The following ADSS2 variants were observed in gnomAD, a reference collection of about 807,000 sequenced individuals.
ADSS2 encodes adenylosuccinate synthase 2, also known as adenylosuccinate synthetase isozyme 2.
ADSS2 carries 30 observed loss-of-function variants against 60.0 expected under a neutral mutation model. The ratio of observed to expected loss-of-function variants is 0.50; its 90% CI spans 0.37 to 0.68. The LOEUF (loss-of-function observed/expected upper bound fraction) is 0.68, where lower values mean the gene tolerates loss of function less well. Ranked by LOEUF, ADSS2 falls within the 30% of genes least tolerant of loss-of-function variation. The pLI, the probability that ADSS2 is intolerant of heterozygous loss-of-function variation, is 0.00. For missense variants in ADSS2, 373 were observed against 554.8 expected (o/e 0.67, Z 3.29); for synonymous variants, 187 against 193.1 (o/e 0.97, Z 0.26).
intron 1 of ADSS2, among the ~76,000 whole-genome samples, chr1:244,450,639 T>A (rs1665534288): frequency 1.3e-5 from 2 of 152,254 alleles, no homozygotes; most frequent in Non-Finnish European, 2.9e-5. Flanking sequence ...TATTACATTA[T>A]GCTTTGTTTT....
rs534562411 is a variant in ADSS2, at chr1:244,426,417, T to C, written c.407-2030A>G. Among the ~76,000 whole-genome samples the C allele has an allele frequency of 5.0e-4, 76 of 152,138 alleles. 1 individual carries two copies. Among genetic ancestry groups the C allele is most frequent in the Non-Finnish European group, 9.1e-4 (62 of 68,022 alleles). On this transcript the variant is annotated intron_variant, in intron 4 of 12. Coordinates refer to ENST00000366535, the MANE Select transcript of ADSS2 (RefSeq NM_001126.5). The stretch of plus-strand genomic sequence containing the variant: ...TCTAGGCCCCAGGAAGCAATTACTG[T>C]AATCAGAATAATTACTTTCATAAGA...
At chr1:244,443,267 T>G (rs1056249400) in intron 1 of ADSS2, among the ~76,000 whole-genome samples, 2 of 152,222 alleles carry the variant, frequency 1.3e-5, no homozygotes, top group African/African-American at 4.8e-5. Context: ...GTATTAGTCT[T>G]ATAATCACAT....
In ADSS2 at chr1:244,447,172, T is replaced by C. The variant is rs940874484; in HGVS notation, c.183+4463A>G. 2.0e-5 allele frequency among the ~76,000 whole-genome samples: 3 copies of C among 152,204 alleles called. No individual in the cohort carries two copies. The South Asian group carries it at 6.2e-4, about 31-fold the overall frequency. Reference sequence around the variant, plus strand: ...ATTACAATAGTCACCAATTTTAATTTATCAATATGTAGCTCATCCACACTA... The same window carrying C: ...ATTACAATAGTCACCAATTTTAATTCATCAATATGTAGCTCATCCACACTA... On this transcript the variant is annotated intron_variant, in intron 1 of 12. Transcript: ENST00000366535.
At chr1:244,440,851 G>A (rs1370367160) in intron 1 of ADSS2, among the ~76,000 whole-genome samples, 1 of 151,992 alleles carries the variant, frequency 6.6e-6, no homozygotes, top group African/African-American at 2.4e-5. Context: ...TTACCCTTTT[G>A]TAAATGTATA....
At chr1:244,418,006 A>AT (rs781625685) in intron 9 of ADSS2, among the ~76,000 whole-genome samples, 14 of 152,270 alleles carry the variant, frequency 9.2e-5, no homozygotes, top group Non-Finnish European at 1.6e-4. Flanking sequence ...TAAAATTTAG[A>AT]TTGACAGATT....
intron 4 of ADSS2, among the ~76,000 whole-genome samples, chr1:244,428,252 A>G (rs1346450810): frequency 6.6e-6 from 1 of 152,198 alleles, no homozygotes; most frequent in African/African-American, 2.4e-5. Context: ...GATTAGGATC[A>G]TACATATTCT....
At position 244,409,467 on chromosome 1, in the gene ADSS2, G is replaced by T; in HGVS notation, c.*119C>A. The T allele has an allele frequency of 1.3e-6, 1 of 745,488 alleles. No individual in the cohort carries two copies. Among genetic ancestry groups the T allele is most frequent in the African/African-American group, 1.8e-5 (1 of 56,502 alleles). The allele number at this position is 745,488 out of a possible 1,614,324, so 46.2% of individuals were successfully genotyped here. A position where few individuals can be genotyped will look rare whatever the true frequency, so the allele number is the denominator to read the frequency against. ...CCATCTGAAAAGACTGGAAACAACTGTAGGGCTTCAAACTTACTTCAGTGT... is the reference window on the plus strand; with the variant it reads ...CCATCTGAAAAGACTGGAAACAACTTTAGGGCTTCAAACTTACTTCAGTGT... On this transcript the variant is annotated 3_prime_UTR_variant, in exon 13 of 13. Transcript: ENST00000366535.
chr1:244,440,570 TA>T (rs1469290328), intron 1 of ADSS2, among the ~76,000 whole-genome samples: 4 of 152,164 alleles, frequency 2.6e-5, no homozygotes, highest in African/African-American at 9.7e-5. Flanking sequence ...TTTTACTATT[TA>T]TTTTTTTAAT....
At chr1:244,438,583 T>C (rs1665158537) in intron 1 of ADSS2, among the ~76,000 whole-genome samples, 1 of 69,900 alleles carries the variant, frequency 1.4e-5, no homozygotes, top group African/African-American at 5.9e-5. Context: ...TTTACATTTA[T>C]GTCAGCTGAT....
Position 244,435,194 on chromosome 1 carries a change from A to AAAAAAAAAC in ADSS2, c.355+1630_355+1631insGTTTTTTTT, listed in dbSNP as rs1553308065. ...AAAAAAAAAAAAAAAAAAAAAAAAA[A>AAAAAAAAAC]AAACAAACCTGAACATACTATAACA... On this transcript the variant is annotated intron_variant, in intron 3 of 12. Transcript: ENST00000366535. Among the ~76,000 whole-genome samples the AAAAAAAAAC allele has an allele frequency of 8.2e-4, 105 of 127,858 alleles. 2 individuals carry two copies. Among genetic ancestry groups the AAAAAAAAAC allele is most frequent in the African/African-American group, 3.2e-3 (100 of 31,096 alleles). The allele number at this position is 127,858 out of a possible 152,430, so 83.9% of individuals were successfully genotyped here. A position where few individuals can be genotyped will look rare whatever the true frequency, so the allele number is the denominator to read the frequency against.
At chr1:244,433,276 AG>A (rs1325694692) in intron 3 of ADSS2, among the ~76,000 whole-genome samples, 3 of 152,196 alleles carry the variant, frequency 2.0e-5, no homozygotes, top group African/African-American at 7.2e-5. Context: ...TTTTTACTGA[AG>A]CAATCAAGTT....
chr1:244,414,500 C>T (rs1408468351), intron 11 of ADSS2, among the ~76,000 whole-genome samples: 2 of 152,186 alleles, frequency 1.3e-5, no homozygotes, highest in Admixed American at 6.5e-5. Context: ...TGCCTGCTGG[C>T]TTTGGCACAT....
Position 244,451,616 on chromosome 1 carries a change from A to G in ADSS2, c.183+19T>C. The G allele has an allele frequency of 1.3e-6, 2 of 1,597,936 alleles. No individual in the cohort carries two copies. The highest frequency in any genetic ancestry group is 1.7e-6 in the Non-Finnish European group (2 of 1,171,430). ...GAGCTCCCGGGCCCGGCTTCCCATGAGAGGCCCCGTCGCCTCACCTGGCAG... is the reference window on the plus strand; with the variant it reads ...GAGCTCCCGGGCCCGGCTTCCCATGGGAGGCCCCGTCGCCTCACCTGGCAG... On this transcript the variant is annotated intron_variant, in intron 1 of 12. Transcript: ENST00000366535. This position sits in a 1 kb window ranked among gnomAD's most constrained non-coding sequence, Gnocchi z 6.6.
chr1:244,447,670 A>G (rs1361133210), intron 1 of ADSS2, among the ~76,000 whole-genome samples: 1 of 152,176 alleles, frequency 6.6e-6, no homozygotes, highest in African/African-American at 2.4e-5. Flanking sequence ...ATAAACAAAG[A>G]CTTTGAATGG....
At chr1:244,437,083 G>A (rs988246093) in intron 2 of ADSS2, among the ~76,000 whole-genome samples, 190 bp from the exon 3 acceptor site, 1 of 152,096 alleles carries the variant, frequency 6.6e-6, no homozygotes, top group African/African-American at 2.4e-5. Flanking sequence ...CAATGAAGCT[G>A]AAAATTTCTT....
chr1:244,433,632 C>T (rs1047978440), intron 3 of ADSS2, among the ~76,000 whole-genome samples: 4 of 151,912 alleles, frequency 2.6e-5, no homozygotes, highest in African/African-American at 7.2e-5. Context: ...CCAAGGCGGG[C>T]GGATCACCTG....
At chr1:244,427,632 T>C (rs1664837997) in intron 4 of ADSS2, among the ~76,000 whole-genome samples, 1 of 152,132 alleles carries the variant, frequency 6.6e-6, no homozygotes, top group African/African-American at 2.4e-5. Flanking sequence ...TGGAAAGCGA[T>C]ACACCATGCA....
At chr1:244,415,160 C>T (rs12087973) in intron 11 of ADSS2, among the ~76,000 whole-genome samples, 18,053 of 152,196 alleles carry the variant, frequency 0.12, 1,364 homozygotes, top group African/African-American at 0.19. Context: ...CCATAGATGA[C>T]AGACCTTGCC....
intron 1 of ADSS2, among the ~76,000 whole-genome samples, chr1:244,441,749 G>C (rs1665254149): frequency 6.6e-6 from 1 of 152,078 alleles, no homozygotes; most frequent in Non-Finnish European, 1.5e-5. Flanking sequence ...AAGGTCAGGA[G>C]ACTGAGACCA....
Sources: allele counts gnomAD v4.1 joint callset (sites outside exome capture counted in the v4.1 genomes callset), GRCh38; gene constraint gnomAD v4.1.1; non-coding constraint Gnocchi (gnomAD v3.1); transcripts MANE v1.5; gene names NCBI Gene and HGNC (gene_info 2026-07-23, HGNC 2026-07-21).